The following ADAM32 variants were observed in gnomAD, a reference collection of about 807,000 sequenced individuals.
ADAM32 encodes the protein ADAM metallopeptidase domain 32, also known as disintegrin and metalloproteinase domain-containing protein 32.
In ADAM32, 89 loss-of-function variants were observed where a neutral mutation model predicts 114.9. That is an observed-to-expected ratio of 0.77 (90% CI 0.65 to 0.92). The LOEUF (loss-of-function observed/expected upper bound fraction) is 0.92, where lower values mean the gene tolerates loss of function less well. Among genes scored for constraint, ADAM32 ranks in the 40% least tolerant of loss-of-function variants. ADAM32 has a pLI of 0.00. For synonymous variants in ADAM32, 285 were observed against 307.5 expected (o/e 0.93, Z 0.77); for missense variants, 870 against 932.8 (o/e 0.93, Z 0.88).
At chr8:39,216,890 T>TTAACGTGTTATAATAA (rs1808605541) in intron 12 of ADAM32, among the ~76,000 whole-genome samples, 1 of 150,298 alleles carries the variant, frequency 6.7e-6, no homozygotes, top group South Asian at 2.1e-4. Context: ...TGCACCCCAG[T>TTAACGTGTTATAATAA]TAAAGTGTTA....
chr8:39,154,313 G>A (rs575495689), intron 6 of ADAM32, among the ~76,000 whole-genome samples: 25 of 152,126 alleles, frequency 1.6e-4, no homozygotes, highest in Admixed American at 4.6e-4. Flanking sequence ...TCTTGTGTTA[G>A]TTTGCTGAGA....
At chr8:39,249,325 C>G (rs1384577199) in intron 17 of ADAM32, among the ~76,000 whole-genome samples, 1 of 152,140 alleles carries the variant, frequency 6.6e-6, no homozygotes, top group African/African-American at 2.4e-5. Context: ...AATGTTGAAC[C>G]AGTTACATGC....
chr8:39,211,073 T>C, intron 11 of ADAM32, 71 bp from the exon 12 acceptor site: 3 of 1,223,476 alleles, frequency 2.5e-6, no homozygotes, highest in Non-Finnish European at 3.2e-6. Context: ...CATTTTGAAA[T>C]TAATTTATAT....
At chr8:39,257,379 T>G (rs899766393) in intron 19 of ADAM32, 36 bp downstream of exon 19, 2 of 1,608,098 alleles carry the variant, frequency 1.2e-6, no homozygotes, top group Non-Finnish European at 1.7e-6. Context: ...TAAACATTAG[T>G]ACCATTTGAA....
At chr8:39,234,491 C>T (rs1192292307) in intron 16 of ADAM32, among the ~76,000 whole-genome samples, 1 of 152,224 alleles carries the variant, frequency 6.6e-6, no homozygotes, top group African/African-American at 2.4e-5. Flanking sequence ...TAGATAGAAT[C>T]AAATATTGTT....
intron 10 of ADAM32, among the ~76,000 whole-genome samples, chr8:39,174,489 CTTATTTAT>C (rs201028297): frequency 1.3e-5 from 2 of 150,956 alleles, no homozygotes; most frequent in Admixed American, 1.3e-4. Flanking sequence ...CCTCAGTTTC[CTTATTTAT>C]TTATTTATTT....
intron 4 of ADAM32, among the ~76,000 whole-genome samples, chr8:39,148,565 C>T (rs1410832041): frequency 6.6e-6 from 1 of 150,664 alleles, no homozygotes; most frequent in Non-Finnish European, 1.5e-5. Flanking sequence ...TATTTTCTGT[C>T]TCCCCAGTGC....
intron 14 of ADAM32, among the ~76,000 whole-genome samples, chr8:39,226,083 CAATG>C (rs540711287): frequency 1.5e-3 from 229 of 151,944 alleles, no homozygotes; most frequent in Non-Finnish European, 2.6e-3. Context: ...CTGAAGAACA[CAATG>C]AATAACATTA....
intron 10 of ADAM32, among the ~76,000 whole-genome samples, chr8:39,184,466 T>C (rs1396050637): frequency 6.6e-6 from 1 of 152,220 alleles, no homozygotes; most frequent in Non-Finnish European, 1.5e-5. Context: ...TTGAAACAAG[T>C]TTCTTCTGAC....
chr8:39,137,972 A>G (rs1462544373), intron 3 of ADAM32, among the ~76,000 whole-genome samples: 2 of 152,174 alleles, frequency 1.3e-5, no homozygotes, highest in Non-Finnish European at 2.9e-5. Flanking sequence ...GACTATAAGC[A>G]GTGTTGAGAA....
Position 39,124,886 on chromosome 8 carries a change from T to C in ADAM32, c.138+6721T>C, listed in dbSNP as rs374583535. On this transcript the variant is annotated intron_variant, in intron 2 of 24. Transcript: ENST00000379907. ...CCAGTAAAGGGATTGCTAGGTCAAATGGTATTTCTGCCTCTAGGTCTTTGA... is the reference window on the plus strand; with the variant it reads ...CCAGTAAAGGGATTGCTAGGTCAAACGGTATTTCTGCCTCTAGGTCTTTGA... Among the ~76,000 whole-genome samples, 39 of 152,334 alleles carry C rather than the reference T, an allele frequency of 2.6e-4. No individual in the cohort carries two copies. The South Asian group carries it at 7.9e-3, about 31-fold the overall frequency.
chr8:39,140,627 G>T (rs557942855), intron 3 of ADAM32, among the ~76,000 whole-genome samples: 1 of 152,240 alleles, frequency 6.6e-6, no homozygotes, highest in East Asian at 1.9e-4. Context: ...TTTTGTGTGT[G>T]TCTCTACCAG....
At chr8:39,282,180 C>T (rs983809509) in intron 23 of ADAM32, among the ~76,000 whole-genome samples, 2 of 152,192 alleles carry the variant, frequency 1.3e-5, no homozygotes, top group African/African-American at 2.4e-5. Context: ...ATCTTCTGCT[C>T]ACCTAGAAGC....
intron 16 of ADAM32, among the ~76,000 whole-genome samples, chr8:39,241,330 G>C (rs546180795): frequency 1.5e-3 from 222 of 152,312 alleles, no homozygotes; most frequent in African/African-American, 5.1e-3. Flanking sequence ...TACCATTCTG[G>C]GGTCTGGAGG....
chr8:39,261,015 A>G (rs1811988802), intron 19 of ADAM32, among the ~76,000 whole-genome samples: 1 of 152,170 alleles, frequency 6.6e-6, no homozygotes, highest in East Asian at 1.9e-4. Flanking sequence ...TATAGTGATC[A>G]GATCAAGGTA....
At chr8:39,191,103 A>G (rs539522161) in intron 11 of ADAM32, among the ~76,000 whole-genome samples, 1 of 152,292 alleles carries the variant, frequency 6.6e-6, no homozygotes, top group Non-Finnish European at 1.5e-5. Context: ...TTATGGTTAC[A>G]TAGTATTCCG....
At chr8:39,228,947 C>T (rs972208308) in intron 14 of ADAM32, among the ~76,000 whole-genome samples, 6 of 152,108 alleles carry the variant, frequency 3.9e-5, no homozygotes, top group Non-Finnish European at 7.4e-5. Context: ...ACCAGGTAAC[C>T]TAAAAAGGAA....
At chr8:39,215,335 G>A (rs148156770) in intron 12 of ADAM32, among the ~76,000 whole-genome samples, 59 of 151,772 alleles carry the variant, frequency 3.9e-4, no homozygotes, top group African/African-American at 1.4e-3. Context: ...CATTTTTGGT[G>A]TTCTCAATTT....
intron 2 of ADAM32, among the ~76,000 whole-genome samples, chr8:39,126,916 A>G (rs111644522): frequency 1.3e-5 from 2 of 152,318 alleles, no homozygotes; most frequent in Admixed American, 1.3e-4. Context: ...TTCTGCATCT[A>G]TTGAGATAAT....
Sources: gnomAD v4.1 joint callset for allele counts (sites outside exome capture counted in the v4.1 genomes callset) on GRCh38, gnomAD v4.1.1 for gene constraint, MANE v1.5 for transcripts, NCBI Gene and HGNC (gene_info 2026-07-23, HGNC 2026-07-21) for gene names.